GALNTL6: variants seen among roughly 807,000 people sequenced by gnomAD.
The protein encoded by GALNTL6 is polypeptide N-acetylgalactosaminyltransferase-like 6.
In GALNTL6, 46 loss-of-function variants were observed where a neutral mutation model predicts 73.7. The observed-to-expected ratio is 0.62, with a 90% CI of 0.49 to 0.80. GALNTL6 has a LOEUF of 0.80. Ranked by LOEUF, GALNTL6 falls within the 30% of genes least tolerant of loss-of-function variation. The pLI is 0.00. For synonymous variants in GALNTL6, 259 were observed against 263.7 expected (o/e 0.98, Z 0.17); for missense variants, 604 against 755.0 (o/e 0.80, Z 2.34).
At chr4:171,814,844 A>G (rs1411211662) in intron 2 of GALNTL6, 126 bp downstream of exon 2, 4 of 889,568 alleles carry the variant, frequency 4.5e-6, no homozygotes, top group Admixed American at 2.6e-5. Context: ...GCTGATTATT[A>G]CAAGACTCTA....
At chr4:172,140,858 A>G (rs1733780909) in intron 2 of GALNTL6, among the ~76,000 whole-genome samples, 1 of 151,996 alleles carries the variant, frequency 6.6e-6, no homozygotes. Flanking sequence ...TATCATTGGC[A>G]CTCAGGATTA....
intron 2 of GALNTL6, among the ~76,000 whole-genome samples, chr4:171,857,790 G>A (rs901575797): frequency 1.3e-5 from 2 of 152,116 alleles, no homozygotes; most frequent in Admixed American, 1.3e-4. Context: ...TGCTTTGCAG[G>A]GCTATTTTTA....
chr4:172,590,973 A>C (rs888120988), intron 5 of GALNTL6, among the ~76,000 whole-genome samples: 1 of 152,184 alleles, frequency 6.6e-6, no homozygotes, highest in Admixed American at 6.5e-5. Flanking sequence ...TCAAATTAGC[A>C]AAGTACTTTG....
chr4:172,467,870 C>A (rs1732889981), intron 5 of GALNTL6, among the ~76,000 whole-genome samples: 2 of 128,858 alleles, frequency 1.6e-5, no homozygotes, highest in Admixed American at 8.0e-5. Context: ...TTCTTTCCTT[C>A]TTTCCTTCTT....
rs77474270 is a variant in GALNTL6 at position 172,812,278 on chromosome 4, C to A, written c.740-1262C>A. Among the ~76,000 whole-genome samples, 261 of 152,232 alleles carry A rather than the reference C, an allele frequency of 1.7e-3. 2 individuals are homozygous for A. The highest frequency in any genetic ancestry group is 6.1e-3 in the African/African-American group (254 of 41,534). On this transcript the variant is annotated intron_variant, in intron 6 of 12. Transcript: ENST00000506823. ...AGTTTCCTTACTGCAAGAACTTTAT[C>A]CCCAACACAAATTACATTTACTCCA...
chr4:173,039,794 T>C, intron 12 of GALNTL6, 139 bp from the exon 13 acceptor site: 1 of 647,128 alleles, frequency 1.5e-6, no homozygotes, highest in Non-Finnish European at 2.5e-6. Flanking sequence ...CCTGCTATTG[T>C]TTGATTTGGG....
intron 2 of GALNTL6, among the ~76,000 whole-genome samples, chr4:171,963,864 A>T (rs937679162): frequency 3.3e-5 from 5 of 152,224 alleles, no homozygotes; most frequent in Non-Finnish European, 7.3e-5. Flanking sequence ...TGAGAGCAGA[A>T]GCACTGAAGG....
chr4:171,943,220 A>G (rs144259816), intron 2 of GALNTL6, among the ~76,000 whole-genome samples: 1 of 152,296 alleles, frequency 6.6e-6, no homozygotes, highest in African/African-American at 2.4e-5. Context: ...AAAAATATTC[A>G]CAAGTACATC....
chr4:172,954,984 T>C (rs1171884332), intron 10 of GALNTL6, among the ~76,000 whole-genome samples: 1 of 152,038 alleles, frequency 6.6e-6, no homozygotes, highest in African/African-American at 2.4e-5. Flanking sequence ...AGAAAGGAAA[T>C]CAATAAAAGA....
At chr4:173,029,741 G>A (rs776143000) in intron 12 of GALNTL6, among the ~76,000 whole-genome samples, 1 of 152,094 alleles carries the variant, frequency 6.6e-6, no homozygotes, top group Non-Finnish European at 1.5e-5. Flanking sequence ...TATCTGTACA[G>A]GTCATCTTTT....
chr4:172,918,528 T>A (rs1378283426), intron 8 of GALNTL6, among the ~76,000 whole-genome samples: 1 of 152,150 alleles, frequency 6.6e-6, no homozygotes, highest in African/African-American at 2.4e-5. Flanking sequence ...ATACATATAA[T>A]GCCTTCCTTC....
chr4:172,135,705 A>G (rs1262153089), intron 2 of GALNTL6, among the ~76,000 whole-genome samples: 1 of 152,178 alleles, frequency 6.6e-6, no homozygotes, highest in African/African-American at 2.4e-5. Flanking sequence ...TCACTGAGAA[A>G]ATTTAAATCA....
chr4:172,635,377 G>A (rs892323865), intron 5 of GALNTL6, among the ~76,000 whole-genome samples: 2 of 152,002 alleles, frequency 1.3e-5, no homozygotes, highest in African/African-American at 4.8e-5. Context: ...TAACTTGAAG[G>A]AATTTAAAAG....
At chr4:172,629,161 G>A (rs1414604992) in intron 5 of GALNTL6, among the ~76,000 whole-genome samples, 4 of 152,154 alleles carry the variant, frequency 2.6e-5, no homozygotes, top group Non-Finnish European at 5.9e-5. Context: ...GTATGTCTCT[G>A]TGTGTGGTGT....
chr4:172,368,312 C>T (rs1202813889), intron 5 of GALNTL6, among the ~76,000 whole-genome samples: 2 of 152,030 alleles, frequency 1.3e-5, no homozygotes, highest in Non-Finnish European at 2.9e-5. Context: ...ACTTGGGAGG[C>T]AGAGGTTGCA....
chr4:172,007,154 C>A (rs989385118), intron 2 of GALNTL6, among the ~76,000 whole-genome samples: 3 of 151,918 alleles, frequency 2.0e-5, no homozygotes, highest in Non-Finnish European at 2.9e-5. Context: ...AAGATAAGAA[C>A]CCCACAGAGA....
chr4:171,838,349 C>G (rs560496694), intron 2 of GALNTL6, among the ~76,000 whole-genome samples: 1 of 152,132 alleles, frequency 6.6e-6, no homozygotes. Flanking sequence ...TCTTGAACTC[C>G]GGACCTCAGG....
chr4:172,194,916 A>G (rs913748165), intron 2 of GALNTL6, among the ~76,000 whole-genome samples: 1 of 152,244 alleles, frequency 6.6e-6, no homozygotes, highest in African/African-American at 2.4e-5. Context: ...AGCTAGTATC[A>G]TGATGACAGG....
At chr4:172,759,272 A>G (rs911070332) in intron 5 of GALNTL6, among the ~76,000 whole-genome samples, 11 of 152,228 alleles carry the variant, frequency 7.2e-5, no homozygotes, top group Non-Finnish European at 1.0e-4. Flanking sequence ...CTATTAGCCA[A>G]TTCTCCTTTG....
Sources: allele counts gnomAD v4.1 joint callset (sites outside exome capture counted in the v4.1 genomes callset), GRCh38; gene constraint gnomAD v4.1.1; transcripts MANE v1.5; gene names NCBI Gene and HGNC (gene_info 2026-07-23, HGNC 2026-07-21).